Variants in NOL4 observed in about 807,000 individuals in gnomAD.
NOL4 encodes the protein nucleolar protein 4.
In NOL4, 17 loss-of-function variants were observed where a neutral mutation model predicts 75.9. That is an observed-to-expected ratio of 0.22 (90% CI 0.15 to 0.34). The LOEUF is 0.34. Among genes scored for constraint, NOL4 ranks in the 10% least tolerant of loss-of-function variants. NOL4 has a pLI of 1.00. For missense variants in NOL4, 614 were observed against 793.5 expected (o/e 0.77, Z 2.72); for synonymous variants, 292 against 289.9 (o/e 1.01, Z -0.07).
intron 9 of NOL4, among the ~76,000 whole-genome samples, chr18:33,909,225 G>C (rs992594337): frequency 3.3e-5 from 5 of 151,856 alleles, no homozygotes; most frequent in Non-Finnish European, 5.9e-5. Context: ...GTTAAGTTTT[G>C]GTAGAAAAGT....
intron 6 of NOL4, among the ~76,000 whole-genome samples, chr18:33,976,313 C>A (rs916354972): frequency 6.6e-6 from 1 of 152,120 alleles, no homozygotes; most frequent in African/African-American, 2.4e-5. Flanking sequence ...GAATACAAGG[C>A]ATATGTCAAA....
At chr18:33,942,708 G>T (rs866879814) in intron 9 of NOL4, among the ~76,000 whole-genome samples, 1 of 151,758 alleles carries the variant, frequency 6.6e-6, no homozygotes, top group Non-Finnish European at 1.5e-5. Context: ...CATTTCATTC[G>T]AAATGAACAT....
chr18:34,103,684 C>T (rs2079140388), intron 4 of NOL4, among the ~76,000 whole-genome samples: 2 of 151,912 alleles, frequency 1.3e-5, no homozygotes, highest in Non-Finnish European at 2.9e-5. Flanking sequence ...TGCAAAATAG[C>T]CTTAGTACTT....
rs1555754886 is a variant in NOL4 at position 34,194,426 on chromosome 18, G to GGGAGGGAAGGAAGGAA, written c.264+28563_264+28564insTTCCTTCCTTCCCTCC. On this transcript the variant is annotated intron_variant, in intron 1 of 10. Transcript: ENST00000261592. ...AAAAAGGTAGGGAAGGAGGGAGGGA[G>GGGAGGGAAGGAAGGAA]GGAAGGAAGGAAGGAAGGAAGGAAG... Among the ~76,000 whole-genome samples, 24 of 128,082 alleles carry GGGAGGGAAGGAAGGAA rather than the reference G, an allele frequency of 1.9e-4. 1 individual carries two copies. Among genetic ancestry groups the GGGAGGGAAGGAAGGAA allele is most frequent in the African/African-American group, 5.6e-4 (19 of 33,884 alleles). The allele number at this position is 128,082 out of a possible 152,430, so 84.0% of individuals were successfully genotyped here.
At chr18:34,221,387 C>T (rs1370108939) in intron 1 of NOL4, 1 of 151,888 alleles carries the variant, frequency 6.6e-6, no homozygotes, top group Non-Finnish European at 1.5e-5. Flanking sequence ...GATATTATTC[C>T]CAATACAAAT....
At chr18:33,903,254 C>A (rs2065845496) in intron 9 of NOL4, among the ~76,000 whole-genome samples, 1 of 152,074 alleles carries the variant, frequency 6.6e-6, no homozygotes, top group Non-Finnish European at 1.5e-5. Context: ...GGGGAAACTT[C>A]CACTTTTTAA....
intron 5 of NOL4, among the ~76,000 whole-genome samples, chr18:34,079,536 A>G (rs1378413228): frequency 6.6e-6 from 1 of 151,972 alleles, no homozygotes; most frequent in Non-Finnish European, 1.5e-5. Flanking sequence ...TTTCCTGACT[A>G]CACCTTGAGT....
At chr18:34,177,335 T>A (rs564203950) in intron 1 of NOL4, among the ~76,000 whole-genome samples, 1 of 151,718 alleles carries the variant, frequency 6.6e-6, no homozygotes, top group African/African-American at 2.4e-5. Flanking sequence ...TTTTGGGGAG[T>A]AATGGATATG....
intron 1 of NOL4, among the ~76,000 whole-genome samples, chr18:34,153,667 T>C (rs1045091605): frequency 1.3e-5 from 2 of 151,970 alleles, no homozygotes; most frequent in Non-Finnish European, 2.9e-5. Context: ...GCCAAATCAA[T>C]GCACAGAGAC....
intron 5 of NOL4, among the ~76,000 whole-genome samples, chr18:34,071,636 A>G (rs1178678226): frequency 1.3e-5 from 2 of 152,320 alleles, no homozygotes; most frequent in Non-Finnish European, 2.9e-5. Flanking sequence ...TCAACACTTT[A>G]TTATAAAATA....
chr18:34,137,215 G>A (rs1312491039), intron 1 of NOL4, among the ~76,000 whole-genome samples: 1 of 152,136 alleles, frequency 6.6e-6, no homozygotes, highest in Non-Finnish European at 1.5e-5. Flanking sequence ...AGAAGTAAAT[G>A]TTTGTAACCT....
intron 1 of NOL4, among the ~76,000 whole-genome samples, chr18:34,150,479 A>G (rs2146081696): frequency 6.6e-6 from 1 of 151,874 alleles, no homozygotes; most frequent in South Asian, 2.1e-4. Flanking sequence ...CAACAGCAAT[A>G]CAATGAAGAA....
chr18:34,132,506 T>G (rs1408418046), intron 1 of NOL4, among the ~76,000 whole-genome samples: 1 of 152,066 alleles, frequency 6.6e-6, no homozygotes, highest in Non-Finnish European at 1.5e-5. Context: ...TGGAGGAAAA[T>G]TGTCTATTAT....
intron 9 of NOL4, among the ~76,000 whole-genome samples, chr18:33,937,483 A>G (rs886854586): frequency 6.6e-6 from 1 of 152,148 alleles, no homozygotes; most frequent in Non-Finnish European, 1.5e-5. Flanking sequence ...TTGAGTGTTC[A>G]TGTTTTGAAC....
intron 9 of NOL4, among the ~76,000 whole-genome samples, chr18:33,914,783 T>C (rs905804987): frequency 1.4e-4 from 22 of 152,000 alleles, no homozygotes; most frequent in African/African-American, 4.6e-4. Flanking sequence ...ATTAACTGGG[T>C]TGGGGTTGAT....
chr18:33,900,428 C>T (rs1434553874), intron 9 of NOL4, among the ~76,000 whole-genome samples: 1 of 152,140 alleles, frequency 6.6e-6, no homozygotes, highest in Non-Finnish European at 1.5e-5. Flanking sequence ...AACCATATCA[C>T]TTTCTATTGC....
chr18:33,921,895 C>T (rs1307466279), intron 9 of NOL4, among the ~76,000 whole-genome samples: 1 of 152,154 alleles, frequency 6.6e-6, no homozygotes, highest in Non-Finnish European at 1.5e-5. Flanking sequence ...TCCTACCCTA[C>T]TCTTGTTTCA....
intron 1 of NOL4, chr18:34,221,926 G>T: frequency 1.9e-6 from 2 of 1,033,140 alleles, no homozygotes; most frequent in Non-Finnish European, 2.9e-6. Flanking sequence ...CAGGAGGGGG[G>T]AAAGGAAGAA....
intron 5 of NOL4, among the ~76,000 whole-genome samples, chr18:34,087,040 C>G (rs1382589959): frequency 6.6e-6 from 1 of 152,080 alleles, no homozygotes; most frequent in Non-Finnish European, 1.5e-5. Flanking sequence ...GACTTAATCC[C>G]CTTTAGACCT....
Sources: allele counts gnomAD v4.1 joint callset (sites outside exome capture counted in the v4.1 genomes callset), GRCh38; gene constraint gnomAD v4.1.1; transcripts MANE v1.5; gene names NCBI Gene and HGNC (gene_info 2026-07-23, HGNC 2026-07-21).